The following CCNJL variants were observed in gnomAD, a reference collection of about 807,000 sequenced individuals.
CCNJL encodes the protein cyclin-J-like protein.
In CCNJL, 33 loss-of-function variants were observed where a neutral mutation model predicts 33.4. The ratio of observed to expected loss-of-function variants is 0.99; its 90% confidence interval spans 0.75 to 1.32. CCNJL has a LOEUF of 1.32. Ranked by LOEUF, CCNJL falls within the 40% of genes most tolerant of loss-of-function variation. The pLI, the probability that CCNJL is intolerant of heterozygous loss-of-function variation, is 0.00. For missense variants in CCNJL, 512 were observed against 499.7 expected (o/e 1.02, Z -0.23); for synonymous variants, 227 against 220.9 (o/e 1.03, Z -0.24).
rs10042506 is a variant in CCNJL at position 160,291,208 on chromosome 5, G to A, written c.67-10470C>T. Among the ~76,000 whole-genome samples, 302 of 152,018 alleles carry A rather than the reference G, an allele frequency of 2.0e-3. 3 individuals carry two copies. The highest frequency in any genetic ancestry group is 6.0e-3 in the African/African-American group (249 of 41,424). ...AACAGTGGGTTTCCACGGAAGAAGC[G>A]GGTCAGTGTTTATGGAGAAGTGGAA... On this transcript the variant is annotated intron_variant, in intron 2 of 5. Transcript: ENST00000257536.
Position 160,306,265 on chromosome 5 carries a change from C to T in CCNJL, c.66+5593G>A, listed in dbSNP as rs533935053. Among the ~76,000 whole-genome samples, 319 of 118,760 alleles carry T rather than the reference C, an allele frequency of 2.7e-3. 3 individuals are homozygous for T. Among genetic ancestry groups the T allele is most frequent in the African/African-American group, 8.8e-3 (249 of 28,200 alleles). The allele number at this position is 118,760 out of a possible 152,430, so 77.9% of individuals were successfully genotyped here. A position where few individuals can be genotyped will look rare whatever the true frequency, so the allele number is the denominator to read the frequency against. On this transcript the variant is annotated intron_variant, in intron 2 of 5. Transcript: ENST00000257536. ...CAGCTTGGGTGACAGAGCAAGACTC[C>T]GTCTCAAAAAAAAAAAAAAAAAAAA...
upstream of CCNJL, among the ~76,000 whole-genome samples, chr5:160,317,050 T>C (rs1038680632): frequency 1.3e-5 from 2 of 152,362 alleles, no homozygotes; most frequent in South Asian, 2.1e-4. Flanking sequence ...ACCAAAAGCA[T>C]GAAGCCTGGC....
At chr5:160,306,925 A>G (rs955344750) in intron 2 of CCNJL, among the ~76,000 whole-genome samples, 7 of 152,164 alleles carry the variant, frequency 4.6e-5, no homozygotes, top group Non-Finnish European at 8.8e-5. Flanking sequence ...TGCTTTTCTA[A>G]CTTCCTGCCC....
chr5:160,263,470 A>G (rs1761436649), intron 3 of CCNJL, among the ~76,000 whole-genome samples: 1 of 152,168 alleles, frequency 6.6e-6, no homozygotes, highest in African/African-American at 2.4e-5. Flanking sequence ...GCTTTTCATG[A>G]CACTGACTCT....
chr5:160,337,917 A>AC (rs1028811345), intron 1 of CCNJL, among the ~76,000 whole-genome samples: 8 of 152,092 alleles, frequency 5.3e-5, no homozygotes, highest in Non-Finnish European at 7.4e-5. Flanking sequence ...TTCTGCAAAC[A>AC]CCCCTCACCT....
rs151268241 is a variant in CCNJL, at chr5:160,312,563, C to T, written c.-249G>A. 6.6e-6 allele frequency: 1 copy of T among 151,412 alleles called. No homozygotes were observed. Among genetic ancestry groups the T allele is most frequent in the Non-Finnish European group, 1.5e-5 (1 of 67,778 alleles). 9.4% of individuals were successfully genotyped at this position (151,412 alleles called of 1,614,324 possible). A position where few individuals can be genotyped will look rare whatever the true frequency, so the allele number is the denominator to read the frequency against. On this transcript the variant is annotated 5_prime_UTR_variant, in exon 1 of 6. Transcript: ENST00000257536. ...GGGTCCCGCCGCGGCTCGCAGGCTC[C>T]CGGCCGCCGGGGGCCTCCCTCCCTC... is the stretch of plus-strand genomic sequence containing the variant.
upstream of CCNJL, among the ~76,000 whole-genome samples, chr5:160,313,324 A>C (rs1183214925): frequency 6.6e-6 from 1 of 152,226 alleles, no homozygotes; most frequent in Non-Finnish European, 1.5e-5. Flanking sequence ...TTTGGAATCA[A>C]ATCCACTTAC....
chr5:160,331,415 A>G (rs560673631), intron 1 of CCNJL, among the ~76,000 whole-genome samples: 9 of 151,772 alleles, frequency 5.9e-5, no homozygotes, highest in African/African-American at 1.9e-4. Flanking sequence ...TAGTAGGGAC[A>G]GGGTTTCACT....
At chr5:160,320,761 T>C (rs1484039081) in intron 1 of CCNJL, among the ~76,000 whole-genome samples, 1 of 151,586 alleles carries the variant, frequency 6.6e-6, no homozygotes, top group Non-Finnish European at 1.5e-5. Context: ...TTTGCCTCTT[T>C]CTTTTCTTTC....
Position 160,253,753 on chromosome 5 carries a change from C to T in CCNJL, c.789G>A (p.Gln263=), listed in dbSNP as rs939530328. 6.5e-6 allele frequency: 10 copies of T among 1,545,674 alleles called. No individual in the cohort carries two copies. The highest frequency in any genetic ancestry group is 7.8e-6 in the Non-Finnish European group (9 of 1,147,654). Residue 263 remains glutamine, a synonymous_variant, in exon 6 of 6, where the codon CAG becomes CAA. Coordinates refer to ENST00000257536, the MANE Select transcript of CCNJL (RefSeq NM_001308173.3). Reference sequence around the variant, plus strand: ...GTGTGCCGGGCACCATTGCCAAGGCCTGGCTCTTGACGGCTACGGCATCCT... The same window carrying T: ...GTGTGCCGGGCACCATTGCCAAGGCTTGGCTCTTGACGGCTACGGCATCCT... ...VLKDAVAVKS[Q]ALAMVPGTPP...
intron 2 of CCNJL, among the ~76,000 whole-genome samples, chr5:160,303,567 C>T (rs145979248): frequency 9.9e-5 from 15 of 151,536 alleles, no homozygotes; most frequent in African/African-American, 3.1e-4. Context: ...TGTGATGACA[C>T]ACACAGTAAA....
Position 160,253,742 on chromosome 5 carries a change from A to G in CCNJL, c.800T>C (p.Met267Thr), listed in dbSNP as rs780706066. 1 of 1,562,550 alleles carries G rather than the reference A, an allele frequency of 6.4e-7. No homozygotes were observed. Among genetic ancestry groups the G allele is most frequent in the Admixed American group, 1.8e-5 (1 of 55,104 alleles). Residue 267 changes from methionine to threonine, a missense_variant, in exon 6 of 6, where the codon ATG (methionine) becomes ACG (threonine). Coordinates refer to ENST00000257536, the MANE Select transcript of CCNJL (RefSeq NM_001308173.3). ...AVAVKSQALAMVPGTPPTPTQ... is the reference protein window; with the variant it reads ...AVAVKSQALATVPGTPPTPTQ... ...GGGGGTGGGGGGTGTGCCGGGCACC[A>G]TTGCCAAGGCCTGGCTCTTGACGGC... is the stretch of plus-strand genomic sequence containing the variant.
intron 1 of CCNJL, among the ~76,000 whole-genome samples, chr5:160,323,614 T>C (rs182128715): frequency 4.6e-5 from 7 of 152,216 alleles, no homozygotes; most frequent in Admixed American, 1.3e-4. Context: ...CTCCTAGAAG[T>C]GAAATTGTTG....
Position 160,321,561 on chromosome 5 carries a change from G to A in CCNJL, n.207-6056C>T, listed in dbSNP as rs114778608. 2.8e-3 allele frequency among the ~76,000 whole-genome samples: 428 copies of A among 152,320 alleles called. 1 individual carries two copies. Among genetic ancestry groups the A allele is most frequent in the African/African-American group, 9.9e-3 (412 of 41,580 alleles). On this transcript the variant is annotated intron_variant and non_coding_transcript_variant, in intron 1 of 7. Transcript: ENST00000377503. The stretch of plus-strand genomic sequence containing the variant: ...AGCTGAGGGGACTCAGGCTTGGGGT[G>A]GAGAAGGGTTGGGAAATCTATGAAA...
At chr5:160,269,638 TC>T (rs1252371401) in intron 3 of CCNJL, 2 of 368,898 alleles carry the variant, frequency 5.4e-6, no homozygotes, top group Non-Finnish European at 1.1e-5. Flanking sequence ...CAAGAGCTGG[TC>T]CTGAGGGCTG....
chr5:160,311,926 C>A lies in CCNJL; in HGVS notation c.-3G>T. The A allele has an allele frequency of 6.2e-7, 1 of 1,614,066 alleles. No homozygotes were observed. Among genetic ancestry groups the A allele is most frequent in the Non-Finnish European group, 8.5e-7 (1 of 1,179,946 alleles). On this transcript the variant is annotated 5_prime_UTR_variant, in exon 2 of 6. Transcript: ENST00000257536. The stretch of plus-strand genomic sequence containing the variant: ...TCCCACCACGGCTCATCCATCATCG[C>A]GTACGCAGCGCCGCTATCCGAGGCT...
chr5:160,302,976 G>A (rs552981407), intron 2 of CCNJL, among the ~76,000 whole-genome samples: 322 of 152,220 alleles, frequency 2.1e-3, no homozygotes, highest in South Asian at 3.9e-3. Context: ...TATCTTCTGC[G>A]GAGGGAAATT....
intron 5 of CCNJL, chr5:160,254,279 AG>A (rs1486887592): frequency 4.6e-6 from 3 of 646,058 alleles, no homozygotes; most frequent in Non-Finnish European, 8.3e-6. Flanking sequence ...CTCCTTAGCT[AG>A]CTGATATCAA....
At chr5:160,275,109 G>A in intron 3 of CCNJL, among the ~76,000 whole-genome samples, 1 of 145,934 alleles carries the variant, frequency 6.9e-6, no homozygotes, top group African/African-American at 2.6e-5. Context: ...TTTTGAGACA[G>A]AGTCTTGCCC....
Sources: allele counts gnomAD v4.1 joint callset (sites outside exome capture counted in the v4.1 genomes callset), GRCh38; gene constraint gnomAD v4.1.1; transcripts MANE v1.5; gene names NCBI Gene and HGNC (gene_info 2026-07-23, HGNC 2026-07-21).